The following EPHA5 variants were observed in gnomAD, a reference collection of about 807,000 sequenced individuals.
EPHA5 encodes EPH receptor A5, also known as ephrin type-A receptor 5.
EPHA5 carries 60 observed loss-of-function variants against 105.0 expected under a neutral mutation model. That is an observed-to-expected ratio of 0.57 (90% CI 0.46 to 0.71). The LOEUF is 0.71. EPHA5 is among the 30% of genes least tolerant of loss of function. The pLI, the probability that EPHA5 is intolerant of heterozygous loss-of-function variation, is 0.00. For synonymous variants in EPHA5, 513 were observed against 449.1 expected, an observed-to-expected ratio of 1.14 and a Z score of -1.80; for missense variants, 1,218 against 1,274.7, an observed-to-expected ratio of 0.96 and a Z score of 0.68.
At chr4:65,383,220 TACACACACAC>T (rs142791536) in intron 8 of EPHA5, among the ~76,000 whole-genome samples, 1 of 144,546 alleles carries the variant, frequency 6.9e-6, no homozygotes, top group Middle Eastern at 3.4e-3. Context: ...ATATATGATA[TACACACACAC>T]ACACACACAC....
At chr4:65,614,083 A>C (rs1015024044) in intron 2 of EPHA5, among the ~76,000 whole-genome samples, 1 of 151,974 alleles carries the variant, frequency 6.6e-6, no homozygotes, top group African/African-American at 2.4e-5. Flanking sequence ...ACATTAAAAA[A>C]ATTAAGTCTT....
chr4:65,442,685 T>G (rs564332149), intron 5 of EPHA5, among the ~76,000 whole-genome samples: 18 of 152,324 alleles, frequency 1.2e-4, no homozygotes, highest in African/African-American at 4.3e-4. Flanking sequence ...ATTATTAAAT[T>G]TCTGAGTTTC....
chr4:65,376,432 G>A (rs960538881), intron 8 of EPHA5, among the ~76,000 whole-genome samples: 1 of 151,964 alleles, frequency 6.6e-6, no homozygotes, highest in Non-Finnish European at 1.5e-5. Flanking sequence ...TGAAAAATGT[G>A]CATATTTTCT....
At chr4:65,460,921 C>G (rs936294298) in intron 5 of EPHA5, among the ~76,000 whole-genome samples, 2 of 151,724 alleles carry the variant, frequency 1.3e-5, no homozygotes, top group Non-Finnish European at 3.0e-5. Flanking sequence ...TATATTTAAT[C>G]ACTGCACAAT....
intron 3 of EPHA5, among the ~76,000 whole-genome samples, chr4:65,525,921 TATA>T (rs900269373): frequency 1.3e-5 from 2 of 151,606 alleles, no homozygotes; most frequent in African/African-American, 4.8e-5. Context: ...AGGCGCTGAT[TATA>T]AAGAGATGAA....
chr4:65,586,355 AT>A (rs1182586320), intron 3 of EPHA5, among the ~76,000 whole-genome samples: 5 of 151,762 alleles, frequency 3.3e-5, no homozygotes, highest in Admixed American at 1.3e-4. Flanking sequence ...GTTCATTGTG[AT>A]TTTTTTCATA....
chr4:65,353,612 T>A, intron 11 of EPHA5, among the ~76,000 whole-genome samples: 1 of 151,630 alleles, frequency 6.6e-6, no homozygotes, highest in Non-Finnish European at 1.5e-5. Context: ...AATTTTATTT[T>A]AATAGAAATA....
chr4:65,539,622 C>T (rs1252153187), intron 3 of EPHA5, among the ~76,000 whole-genome samples: 1 of 151,538 alleles, frequency 6.6e-6, no homozygotes, highest in Non-Finnish European at 1.5e-5. Context: ...CTCCCTCACT[C>T]AAAGAAACTT....
At chr4:65,329,911 CATA>C (rs1462591601) in intron 16 of EPHA5, among the ~76,000 whole-genome samples, 1 of 148,776 alleles carries the variant, frequency 6.7e-6, no homozygotes, top group Non-Finnish European at 1.5e-5. Flanking sequence ...AGTTACTTAA[CATA>C]ATGTTTTGAT....
At chr4:65,388,630 C>T (rs1019553465) in intron 8 of EPHA5, among the ~76,000 whole-genome samples, 3 of 148,290 alleles carry the variant, frequency 2.0e-5, no homozygotes, top group African/African-American at 7.5e-5. Context: ...TGAGAAGGGT[C>T]TGTTCATATC....
intron 2 of EPHA5, 40 bp downstream of exon 2, chr4:65,643,323 C>T (rs1388697200): frequency 1.4e-6 from 2 of 1,467,804 alleles, no homozygotes; most frequent in Non-Finnish European, 1.9e-6. Context: ...GATGCTTACG[C>T]ACATAGCTTA....
At chr4:65,427,182 A>ATT (rs1434618425) in intron 5 of EPHA5, among the ~76,000 whole-genome samples, 1 of 104,902 alleles carries the variant, frequency 9.5e-6, no homozygotes, top group African/African-American at 3.3e-5. Flanking sequence ...ACTCGAGTGT[A>ATT]TTCTTTTTTT....
chr4:65,347,988 T>G, intron 14 of EPHA5, 66 bp downstream of exon 14: 1 of 1,410,616 alleles, frequency 7.1e-7, no homozygotes, highest in Non-Finnish European at 9.4e-7. Flanking sequence ...ATGAAAAACA[T>G]TGTGTCTTGA....
intron 6 of EPHA5, among the ~76,000 whole-genome samples, chr4:65,419,822 G>C (rs1365859679): frequency 6.6e-6 from 1 of 152,110 alleles, no homozygotes; most frequent in African/African-American, 2.4e-5. Context: ...AAGAGGAAAA[G>C]AGTTTATTAC....
At chr4:65,639,332 T>A (rs988081516) in intron 2 of EPHA5, among the ~76,000 whole-genome samples, 2 of 152,220 alleles carry the variant, frequency 1.3e-5, no homozygotes, top group African/African-American at 4.8e-5. Flanking sequence ...GTTAGTTTCT[T>A]CATTTTTGAA....
chr4:65,498,936 T>G (rs138287632), intron 3 of EPHA5, among the ~76,000 whole-genome samples: 1 of 151,190 alleles, frequency 6.6e-6, no homozygotes, highest in Non-Finnish European at 1.5e-5. Flanking sequence ...CTAGACAAAC[T>G]TATATTATTC....
intron 2 of EPHA5, among the ~76,000 whole-genome samples, chr4:65,616,900 T>C (rs530336264): frequency 6.6e-6 from 1 of 152,224 alleles, no homozygotes; most frequent in Admixed American, 6.5e-5. Context: ...TCCTGGTTTA[T>C]CTATTTGCAA....
At chr4:65,497,648 G>C (rs1454198611) in intron 3 of EPHA5, among the ~76,000 whole-genome samples, 1 of 151,946 alleles carries the variant, frequency 6.6e-6, no homozygotes, top group African/African-American at 2.4e-5. Context: ...TATGTTCTAA[G>C]TATTTGGAAT....
chr4:65,420,261 A>C (rs1248594157), intron 6 of EPHA5, among the ~76,000 whole-genome samples, 180 bp downstream of exon 6: 1 of 152,196 alleles, frequency 6.6e-6, no homozygotes, highest in African/African-American at 2.4e-5. Flanking sequence ...ATGTGGCAGC[A>C]GCAGAACATG....
Sources: allele counts gnomAD v4.1 joint callset (sites outside exome capture counted in the v4.1 genomes callset), GRCh38; gene constraint gnomAD v4.1.1; transcripts MANE v1.5; gene names NCBI Gene and HGNC (gene_info 2026-07-23, HGNC 2026-07-21).